C10orf67: variants seen among roughly 807,000 people sequenced by gnomAD.
C10orf67 encodes the protein uncharacterized protein C10orf67, mitochondrial.
A neutral mutation model predicts 35.6 loss-of-function variants in C10orf67; 60 were observed. The observed-to-expected ratio is 1.68, with a 90% confidence interval of 1.37 to 2.09. The LOEUF is 2.09. Ranked by LOEUF, C10orf67 falls within the 30% of genes most tolerant of loss-of-function variation. C10orf67 has a pLI of 0.00. For synonymous variants in C10orf67, 167 were observed against 115.8 expected (o/e 1.44, Z -2.84); for missense variants, 474 against 330.2 (o/e 1.44, Z -3.38).
intron 8 of C10orf67, 55 bp downstream of exon 8, chr10:23,281,958 G>A: frequency 1.9e-6 from 1 of 530,754 alleles, no homozygotes; most frequent in Non-Finnish European, 3.4e-6. Context: ...AACTTTCATG[G>A]TTAAATTAAA....
intron 2 of C10orf67, among the ~76,000 whole-genome samples, chr10:23,323,451 CT>C (rs1406385186): frequency 6.6e-6 from 1 of 151,848 alleles, no homozygotes; most frequent in African/African-American, 2.4e-5. Flanking sequence ...GAGACTCCAG[CT>C]CTTCAAAAAC....
At chr10:23,217,017 A>G (rs944689183) in intron 15 of C10orf67, among the ~76,000 whole-genome samples, 1 of 152,200 alleles carries the variant, frequency 6.6e-6, no homozygotes, top group African/African-American at 2.4e-5. Context: ...CTCATAAAAA[A>G]TTTTCTACAT....
chr10:23,320,678 C>G, intron 4 of C10orf67, 63 bp downstream of exon 4: 1 of 1,295,838 alleles, frequency 7.7e-7, no homozygotes, highest in Non-Finnish European at 1.1e-6. Flanking sequence ...GATCCCCACT[C>G]CTTGCACACA....
rs569365301 is a variant in C10orf67, at chr10:23,296,355, C to A, written c.703-5076G>T. 7.9e-5 allele frequency among the ~76,000 whole-genome samples: 12 copies of A among 152,268 alleles called. No homozygotes were observed. The South Asian group carries it at 2.5e-3, about 32-fold the overall frequency. ...TTAGGCAACAGATGATTGGCTATTT[C>A]TTTACCTCCTGTTTTTGCCTAATTA... On this transcript the variant is annotated intron_variant, in intron 5 of 15. Coordinates refer to ENST00000636213, the MANE Select transcript of C10orf67 (RefSeq NM_001371909.1).
At chr10:23,331,199 G>A (rs1200275900) in intron 2 of C10orf67, among the ~76,000 whole-genome samples, 2,574 of 28,364 alleles carry the variant, frequency 0.091, 86 homozygotes, top group East Asian at 0.31. Context: ...GGAAGGGAAG[G>A]GAAGGGAAGA....
At chr10:23,204,574 C>T (rs1202969958) in intron 15 of C10orf67, among the ~76,000 whole-genome samples, 2 of 152,216 alleles carry the variant, frequency 1.3e-5, no homozygotes, top group Non-Finnish European at 2.9e-5. Flanking sequence ...CAACATTCTA[C>T]TTGAAGCCGT....
chr10:23,342,020 C>T (rs1040895306), intron 1 of C10orf67, among the ~76,000 whole-genome samples: 1 of 152,036 alleles, frequency 6.6e-6, no homozygotes, highest in Non-Finnish European at 1.5e-5. Context: ...ATAAATTAGC[C>T]AGGCAGGCTG....
chr10:23,211,998 C>G (rs968323644), intron 15 of C10orf67, among the ~76,000 whole-genome samples: 2 of 152,160 alleles, frequency 1.3e-5, no homozygotes, highest in Non-Finnish European at 2.9e-5. Flanking sequence ...CCTCCAGTAC[C>G]TATAAATGTG....
Position 23,218,440 on chromosome 10 carries a change from T to C in C10orf67, c.1570+5158A>G, listed in dbSNP as rs190940351. Among the ~76,000 whole-genome samples, 82 of 150,596 alleles carry C rather than the reference T, an allele frequency of 5.4e-4. 1 individual carries two copies. The highest frequency in any genetic ancestry group is 4.8e-3 in the Admixed American group (72 of 15,026). On this transcript the variant is annotated intron_variant, in intron 15 of 15. Coordinates refer to ENST00000636213, the MANE Select transcript of C10orf67 (RefSeq NM_001371909.1). ...TGGGATTACAGGTGTGAGCCACCACTCCCAGCCCCAGGTTTTAATTTATCA... is the reference window on the plus strand; with the variant it reads ...TGGGATTACAGGTGTGAGCCACCACCCCCAGCCCCAGGTTTTAATTTATCA...
chr10:23,285,568 AT>A (rs773461099), intron 7 of C10orf67, among the ~76,000 whole-genome samples: 6 of 151,868 alleles, frequency 4.0e-5, no homozygotes, highest in African/African-American at 4.8e-5. Flanking sequence ...AATATAAAAA[AT>A]TATTAGTGAG....
chr10:23,335,070 C>T (rs536400604), intron 1 of C10orf67, among the ~76,000 whole-genome samples: 21 of 152,104 alleles, frequency 1.4e-4, no homozygotes, highest in Admixed American at 7.2e-4. Context: ...TGCCTGTAAT[C>T]CCAGCTACTC....
chr10:23,246,717 C>T (rs769659490), intron 12 of C10orf67, among the ~76,000 whole-genome samples: 2 of 152,012 alleles, frequency 1.3e-5, no homozygotes, highest in Non-Finnish European at 2.9e-5. Context: ...TAGGCTTAGG[C>T]TAGTGTGTGT....
intron 5 of C10orf67, among the ~76,000 whole-genome samples, chr10:23,295,807 G>C (rs772360386): frequency 6.2e-4 from 94 of 152,280 alleles, no homozygotes; most frequent in Non-Finnish European, 1.2e-3. Context: ...AATTGAATGT[G>C]CTTCCTAGTC....
intron 10 of C10orf67, among the ~76,000 whole-genome samples, chr10:23,256,549 C>T (rs909315672): frequency 2.6e-5 from 4 of 152,170 alleles, no homozygotes; most frequent in Non-Finnish European, 5.9e-5. Flanking sequence ...AAGCACCATG[C>T]CAGCTTCAAC....
intron 15 of C10orf67, among the ~76,000 whole-genome samples, chr10:23,213,434 CA>C (rs2132089843): frequency 6.6e-6 from 1 of 152,038 alleles, no homozygotes; most frequent in East Asian, 1.9e-4. Context: ...TAAATAACTA[CA>C]AATTATTGGA....
chr10:23,211,478 TGGGGGG>T lies in C10orf67; in HGVS notation c.1571-7229_1571-7224del, dbSNP rs200194805. ...GGCGGTGTGTGTGTGTGTGTGTGTG[TGGGGGG>T]GGGGGGTATCACAATTCAACCCGTA... On this transcript the variant is annotated intron_variant, in intron 15 of 15. Transcript: ENST00000636213. 2.2e-4 allele frequency among the ~76,000 whole-genome samples: 32 copies of T among 147,564 alleles called. No homozygotes were observed. The East Asian group carries it at 3.0e-3, about 14-fold the overall frequency.
At chr10:23,313,544 C>T (rs1323306610) in intron 4 of C10orf67, among the ~76,000 whole-genome samples, 3 of 152,154 alleles carry the variant, frequency 2.0e-5, no homozygotes, top group Non-Finnish European at 4.4e-5. Flanking sequence ...GAGTAAGACT[C>T]GGTCCCTGCT....
chr10:23,260,460 G>A (rs12772585), intron 10 of C10orf67, among the ~76,000 whole-genome samples: 1,701 of 152,260 alleles, frequency 0.011, 7 homozygotes, highest in Non-Finnish European at 0.018. Flanking sequence ...ATAAATAAAA[G>A]TGTCAAATGC....
chr10:23,325,869 A>G (rs1845175306), intron 2 of C10orf67, among the ~76,000 whole-genome samples: 1 of 152,164 alleles, frequency 6.6e-6, no homozygotes, highest in Admixed American at 6.5e-5. Flanking sequence ...GAAAATTTTG[A>G]TAAAGAAAAC....
Sources: allele counts gnomAD v4.1 joint callset (sites outside exome capture counted in the v4.1 genomes callset), GRCh38; gene constraint gnomAD v4.1.1; transcripts MANE v1.5; gene names NCBI Gene and HGNC (gene_info 2026-07-23, HGNC 2026-07-21).